ATP13A3: variants seen among roughly 807,000 people sequenced by gnomAD.
ATP13A3 encodes ATPase 13A3.
A neutral mutation model predicts 158.1 loss-of-function variants in ATP13A3; 59 were observed. The observed-to-expected ratio is 0.37, with a 90% CI of 0.30 to 0.46. The LOEUF (loss-of-function observed/expected upper bound fraction) is 0.46. Ranked by LOEUF, ATP13A3 falls within the 20% of genes least tolerant of loss-of-function variation. ATP13A3 has a pLI of 1.00. For missense variants in ATP13A3, 1,166 were observed against 1,525.2 expected (o/e 0.76, Z 3.92); for synonymous variants, 491 against 504.3 (o/e 0.97, Z 0.35).
chr3:194,444,142 C>T (rs1267427561), intron 15 of ATP13A3, among the ~76,000 whole-genome samples: 1 of 152,198 alleles, frequency 6.6e-6, no homozygotes, highest in Non-Finnish European at 1.5e-5. Flanking sequence ...CGTGCCCATG[C>T]TACGGCCCAG....
intron 2 of ATP13A3, among the ~76,000 whole-genome samples, chr3:194,469,892 C>T (rs751035502): frequency 2.0e-5 from 3 of 152,106 alleles, no homozygotes; most frequent in Non-Finnish European, 2.9e-5. Context: ...TGCCCCAATA[C>T]GTTTAAAGCC....
In ATP13A3 at chr3:194,407,857, A is replaced by C. The variant is rs1715055569; in HGVS notation, c.3574-1741T>G. On this transcript the variant is annotated intron_variant, in intron 33 of 33. Coordinates refer to ENST00000645319, the MANE Select transcript of ATP13A3 (RefSeq NM_001367549.1). ...ATGTATAGGATTCTTCAAGTGATCCAAAATAACAGATAATGCCTTTCCAGT... is the reference window on the plus strand; with the variant it reads ...ATGTATAGGATTCTTCAAGTGATCCCAAATAACAGATAATGCCTTTCCAGT... Among the ~76,000 whole-genome samples, 4 of 152,208 alleles carry C rather than the reference A, an allele frequency of 2.6e-5. No homozygotes were observed. The South Asian group carries it at 8.3e-4, about 32-fold the overall frequency.
At chr3:194,493,327 A>C (rs1289894090) in intron 2 of ATP13A3, among the ~76,000 whole-genome samples, 1 of 152,062 alleles carries the variant, frequency 6.6e-6, no homozygotes, top group Non-Finnish European at 1.5e-5. Flanking sequence ...TATCATCTCT[A>C]AATGCCTTCC....
At chr3:194,458,859 T>C (rs931977192) in intron 6 of ATP13A3, among the ~76,000 whole-genome samples, 2 of 152,186 alleles carry the variant, frequency 1.3e-5, no homozygotes, top group Non-Finnish European at 2.9e-5. Flanking sequence ...GTATGAATAT[T>C]TTAAATGTTC....
rs1230750356 is a variant in ATP13A3 at position 194,427,147 on chromosome 3, A to G, written c.3053T>C (p.Ile1018Thr). ...FSVLSQIIICIGFQSLGFFWV... is the reference protein window; with the variant it reads ...FSVLSQIIICTGFQSLGFFWV... ...AAAAAAACCCAAAGATTGAAATCCA[A>G]TGCAGATGATAATCTGAGACAAAAC... The change falls in exon 29 of 34, where the codon ATT (isoleucine) becomes ACT (threonine). Residue 1018 changes from isoleucine (I) to threonine (T), a missense_variant. Physicochemically the swap from Ile to Thr is moderately conservative, Grantham distance 89. This residue lies in a region of ATP13A3 where 997 missense variants were observed against 1,341.2 expected (regional missense o/e 0.74). Transcript: ENST00000645319. The G allele has an allele frequency of 2.5e-6, 4 of 1,613,996 alleles. No individual in the cohort carries two copies. The highest frequency in any genetic ancestry group is 3.4e-6 in the Non-Finnish European group (4 of 1,179,988).
intron 2 of ATP13A3, among the ~76,000 whole-genome samples, chr3:194,468,403 A>C (rs1444937422): frequency 6.7e-6 from 1 of 149,920 alleles, no homozygotes; most frequent in Non-Finnish European, 1.5e-5. Flanking sequence ...AAAAAAAAAA[A>C]AACAGTATGG....
At chr3:194,454,188 T>C (rs1366466811) in intron 9 of ATP13A3, 70 bp downstream of exon 9, 1 of 1,421,692 alleles carries the variant, frequency 7.0e-7, no homozygotes, top group Non-Finnish European at 9.7e-7. Flanking sequence ...CTGAGTACTA[T>C]TCTACACACA....
intron 33 of ATP13A3, among the ~76,000 whole-genome samples, chr3:194,409,003 G>A (rs1715157694): frequency 6.6e-6 from 1 of 152,078 alleles, no homozygotes; most frequent in Admixed American, 6.5e-5. Flanking sequence ...AACCTCTACG[G>A]CACAAGTCCC....
At chr3:194,467,817 C>T (rs1720084969) in intron 2 of ATP13A3, 1 of 152,128 alleles carries the variant, frequency 6.6e-6, no homozygotes, top group Non-Finnish European at 1.5e-5. Flanking sequence ...ATATTAAATA[C>T]AATTCTACTA....
intron 13 of ATP13A3, 43 bp from the exon 14 acceptor site, chr3:194,447,158 T>A: frequency 6.6e-7 from 1 of 1,512,180 alleles, no homozygotes; most frequent in South Asian, 1.2e-5. Context: ...CCAGTATTAT[T>A]TACGGATTTA....
chr3:194,484,486 T>G (rs6788835), intron 2 of ATP13A3, among the ~76,000 whole-genome samples: 30,637 of 152,044 alleles, frequency 0.2, 6,207 homozygotes, highest in African/African-American at 0.52. Flanking sequence ...ATAGGCACTA[T>G]ATCATATTAC....
At chr3:194,450,906 C>G (rs1374210226) in intron 10 of ATP13A3, 1 of 152,028 alleles carries the variant, frequency 6.6e-6, no homozygotes, top group Non-Finnish European at 1.5e-5. Flanking sequence ...AAGATCTTCC[C>G]TCTGGTACAA....
intron 2 of ATP13A3, among the ~76,000 whole-genome samples, chr3:194,463,655 T>C (rs544014049): frequency 6.6e-6 from 1 of 152,310 alleles, no homozygotes; most frequent in South Asian, 2.1e-4. Context: ...ATCTACCCAG[T>C]GCACAGCAGG....
At chr3:194,483,393 C>G (rs144713196) in intron 2 of ATP13A3, among the ~76,000 whole-genome samples, 21 of 139,206 alleles carry the variant, frequency 1.5e-4, no homozygotes, top group Non-Finnish European at 2.6e-4. Context: ...AGTTTGAGAC[C>G]AGCCTGGGCA....
intron 14 of ATP13A3, among the ~76,000 whole-genome samples, chr3:194,446,419 C>A (rs1040171828): frequency 2.0e-5 from 3 of 152,136 alleles, no homozygotes; most frequent in Non-Finnish European, 2.9e-5. Flanking sequence ...GTACACCCTG[C>A]GATACGATGG....
At chr3:194,464,006 C>G (rs955450161) in intron 2 of ATP13A3, among the ~76,000 whole-genome samples, 1 of 152,066 alleles carries the variant, frequency 6.6e-6, no homozygotes, top group East Asian at 1.9e-4. Context: ...TACAAAAATA[C>G]AAAAATTAGC....
In ATP13A3 at chr3:194,404,320, G is replaced by A. The variant is rs976731796; in HGVS notation, c.*1599C>T. 2 of 266,216 alleles carry A rather than the reference G, an allele frequency of 7.5e-6. No individual in the cohort carries two copies. Among genetic ancestry groups the A allele is most frequent in the African/African-American group, 2.3e-5 (1 of 42,634 alleles). 16.5% of individuals were successfully genotyped at this position (266,216 alleles called of 1,614,324 possible). A position where few individuals can be genotyped will look rare whatever the true frequency, so the allele number is the denominator to read the frequency against. On this transcript the variant is annotated 3_prime_UTR_variant, in exon 34 of 34. Coordinates refer to ENST00000645319, the MANE Select transcript of ATP13A3 (RefSeq NM_001367549.1). ...TGGCAATAGCAGTAACAGTGATCCT[G>A]AGTGTAATTTCTATTTTTCTATAGT... is the stretch of plus-strand genomic sequence containing the variant.
At chr3:194,408,768 G>A (rs2108703581) in intron 33 of ATP13A3, among the ~76,000 whole-genome samples, 1 of 151,526 alleles carries the variant, frequency 6.6e-6, no homozygotes, top group Admixed American at 6.5e-5. Context: ...TACACTACAT[G>A]CAAGCATAGG....
intron 2 of ATP13A3, among the ~76,000 whole-genome samples, chr3:194,475,780 C>T (rs1720500918): frequency 6.6e-6 from 1 of 152,100 alleles, no homozygotes; most frequent in Non-Finnish European, 1.5e-5. Flanking sequence ...CTATAACAAC[C>T]ACAATAGTGA....
Sources: allele counts gnomAD v4.1 joint callset (sites outside exome capture counted in the v4.1 genomes callset), GRCh38; gene constraint gnomAD v4.1.1; regional missense constraint gnomAD v4.1.1; transcripts MANE v1.5; gene names NCBI Gene and HGNC (gene_info 2026-07-23, HGNC 2026-07-21).